PCSK5: variants seen among roughly 807,000 people sequenced by gnomAD.
PCSK5 encodes the protein proprotein convertase subtilisin/kexin type 5, also known as prohormone convertase 5.
PCSK5 carries 129 observed loss-of-function variants against 233.2 expected under a neutral mutation model. The ratio of observed to expected loss-of-function variants is 0.55; its 90% CI spans 0.48 to 0.64. The LOEUF (loss-of-function observed/expected upper bound fraction) is 0.64, where lower values mean the gene tolerates loss of function less well. PCSK5 is among the 30% of genes least tolerant of loss of function. The pLI, the probability that PCSK5 is intolerant of heterozygous loss-of-function variation, is 0.00. For missense variants in PCSK5, 2,076 were observed against 2,430.1 expected (o/e 0.85, Z 3.06); for synonymous variants, 825 against 879.2 (o/e 0.94, Z 1.09).
chr9:76,347,926 G>A (rs779591306), intron 35 of PCSK5, among the ~76,000 whole-genome samples: 9 of 151,708 alleles, frequency 5.9e-5, no homozygotes, highest in South Asian at 2.1e-4. Flanking sequence ...GGGTACAAAG[G>A]GATGTCATGA....
intron 20 of PCSK5, among the ~76,000 whole-genome samples, chr9:76,218,556 T>G (rs1330243232): frequency 6.7e-6 from 1 of 149,862 alleles, no homozygotes; most frequent in African/African-American, 2.4e-5. Flanking sequence ...TTATCTAATA[T>G]TTAATGAGAT....
chr9:76,320,603 A>T (rs1829169459), intron 30 of PCSK5, among the ~76,000 whole-genome samples: 1 of 148,750 alleles, frequency 6.7e-6, no homozygotes, highest in Admixed American at 6.7e-5. Flanking sequence ...CCTCCCGAGT[A>T]GCTGGGACTA....
chr9:76,253,346 C>T (rs1826874955), intron 24 of PCSK5, among the ~76,000 whole-genome samples: 1 of 151,638 alleles, frequency 6.6e-6, no homozygotes, highest in Admixed American at 6.6e-5. Context: ...GAGAAACAAG[C>T]TCCATTAAAC....
chr9:76,241,071 C>T (rs1195695605), intron 24 of PCSK5, among the ~76,000 whole-genome samples: 2 of 152,214 alleles, frequency 1.3e-5, no homozygotes, highest in East Asian at 3.9e-4. Flanking sequence ...CAAAGAAATG[C>T]CTAATTCCTC....
chr9:76,167,364 C>T (rs1175017459), intron 12 of PCSK5, among the ~76,000 whole-genome samples: 7 of 152,212 alleles, frequency 4.6e-5, no homozygotes. Flanking sequence ...GAGATGTCCT[C>T]TATTAAAGAG....
At chr9:76,226,745 G>C (rs1030381655) in intron 20 of PCSK5, among the ~76,000 whole-genome samples, 1 of 152,114 alleles carries the variant, frequency 6.6e-6, no homozygotes, top group African/African-American at 2.4e-5. Flanking sequence ...GTGCAATGAG[G>C]GTTGGATTCA....
chr9:75,968,975 T>A (rs1353107596), intron 2 of PCSK5, among the ~76,000 whole-genome samples: 1 of 136,190 alleles, frequency 7.3e-6, no homozygotes, highest in Admixed American at 9.3e-5. Flanking sequence ...GGAATTGCTA[T>A]AGAGAAGGTC....
At chr9:76,069,191 A>C (rs1186006145) in intron 6 of PCSK5, among the ~76,000 whole-genome samples, 1 of 152,148 alleles carries the variant, frequency 6.6e-6, no homozygotes, top group Admixed American at 6.5e-5. Flanking sequence ...GCTAAAGAAA[A>C]GAGGCAAAGA....
At position 75,890,816 on chromosome 9, in the gene PCSK5, GC is replaced by G; in HGVS notation, c.-362del. 1 of 204,024 alleles carries G rather than the reference GC, an allele frequency of 4.9e-6. No individual in the cohort carries two copies. Among genetic ancestry groups the G allele is most frequent in the Non-Finnish European group, 9.8e-6 (1 of 101,578 alleles). The allele number at this position is 204,024 out of a possible 1,614,324, so 12.6% of individuals were successfully genotyped here. ...CTGGTCATCTCCGCCGCGCTCGGGGGCCCCGGGAGGAGCGAGACCGAGTCGG... is the reference window on the plus strand; with the variant it reads ...CTGGTCATCTCCGCCGCGCTCGGGGGCCCGGGAGGAGCGAGACCGAGTCGG... On this transcript the variant is annotated 5_prime_UTR_variant, in exon 1 of 38. Coordinates refer to ENST00000674117, the MANE Select transcript of PCSK5 (RefSeq NM_001372043.1).
At chr9:76,231,674 C>T (rs980855114) in intron 21 of PCSK5, among the ~76,000 whole-genome samples, 6 of 152,308 alleles carry the variant, frequency 3.9e-5, no homozygotes, top group African/African-American at 1.2e-4. Flanking sequence ...GAAAAGTCTT[C>T]TAGCTCAGTA....
chr9:76,050,157 G>A (rs1829571887), intron 5 of PCSK5, among the ~76,000 whole-genome samples: 2 of 152,110 alleles, frequency 1.3e-5, no homozygotes, highest in South Asian at 4.1e-4. Context: ...TTATGAGTCA[G>A]AAGATGGAAG....
intron 12 of PCSK5, among the ~76,000 whole-genome samples, chr9:76,166,917 T>C (rs961021067): frequency 6.6e-5 from 10 of 152,212 alleles, no homozygotes; most frequent in Non-Finnish European, 2.9e-5. Flanking sequence ...CATACACATG[T>C]TGTGGGTTTT....
intron 24 of PCSK5, among the ~76,000 whole-genome samples, chr9:76,290,950 ACC>A (rs1355998098): frequency 6.6e-6 from 1 of 152,222 alleles, no homozygotes; most frequent in East Asian, 1.9e-4. Context: ...AGAAACCAGG[ACC>A]CAGAAAGTAG....
At chr9:75,915,176 G>A in intron 1 of PCSK5, among the ~76,000 whole-genome samples, 1 of 152,152 alleles carries the variant, frequency 6.6e-6, no homozygotes, top group East Asian at 1.9e-4. Flanking sequence ...TTATAATGGG[G>A]ATGCCTTTAC....
intron 20 of PCSK5, among the ~76,000 whole-genome samples, chr9:76,222,279 A>G (rs1489240714): frequency 1.3e-5 from 2 of 152,224 alleles, no homozygotes; most frequent in African/African-American, 4.8e-5. Flanking sequence ...TTTTTTGGCT[A>G]AAATGAAGTA....
chr9:76,163,541 T>C (rs1242462190), intron 12 of PCSK5, among the ~76,000 whole-genome samples: 1 of 152,200 alleles, frequency 6.6e-6, no homozygotes, highest in Non-Finnish European at 1.5e-5. Flanking sequence ...AGTCCTAGAA[T>C]GGACTTTCCT....
At chr9:75,910,762 T>C (rs1822691539) in intron 1 of PCSK5, among the ~76,000 whole-genome samples, 1 of 152,190 alleles carries the variant, frequency 6.6e-6, no homozygotes. Flanking sequence ...CACATTGTGC[T>C]TCCAGAATTA....
At chr9:75,930,871 A>G (rs1341113789) in intron 1 of PCSK5, among the ~76,000 whole-genome samples, 1 of 152,146 alleles carries the variant, frequency 6.6e-6, no homozygotes, top group Non-Finnish European at 1.5e-5. Context: ...GAATCTTAAA[A>G]TGGGCCTGTA....
At chr9:76,200,173 ATC>A (rs148977137) in intron 20 of PCSK5, among the ~76,000 whole-genome samples, 2 of 152,296 alleles carry the variant, frequency 1.3e-5, no homozygotes, top group East Asian at 1.9e-4. Context: ...ATCAGATTTC[ATC>A]TCTGTTTACT....
Sources: gnomAD v4.1 joint callset for allele counts (sites outside exome capture counted in the v4.1 genomes callset) on GRCh38, gnomAD v4.1.1 for gene constraint, MANE v1.5 for transcripts, NCBI Gene and HGNC (gene_info 2026-07-23, HGNC 2026-07-21) for gene names.